WWOX: variants seen among roughly 807,000 people sequenced by gnomAD.
WWOX encodes the protein WW domain containing oxidoreductase, also known as WW domain-containing oxidoreductase.
Under a neutral mutation model 46.2 loss-of-function variants are expected in WWOX, and 69 were observed. The observed-to-expected ratio is 1.49, with a 90% CI of 1.23 to 1.82. The LOEUF is 1.82. Among genes scored for constraint, WWOX ranks in the 40% most tolerant of loss-of-function variants. The pLI, the probability that WWOX is intolerant of heterozygous loss-of-function variation, is 0.00. For missense variants in WWOX, 919 were observed against 542.6 expected (o/e 1.69, Z -6.89); for synonymous variants, 359 against 202.6 (o/e 1.77, Z -6.56).
intron 8 of WWOX, among the ~76,000 whole-genome samples, chr16:78,785,511 A>G (rs2050434308): frequency 6.6e-6 from 1 of 152,192 alleles, no homozygotes; most frequent in African/African-American, 2.4e-5. Context: ...CACACAGCTT[A>G]TTATTTATTA....
At chr16:78,272,952 T>C (rs1025355717) in intron 5 of WWOX, among the ~76,000 whole-genome samples, 14 of 152,200 alleles carry the variant, frequency 9.2e-5, no homozygotes, top group Admixed American at 7.2e-4. Flanking sequence ...TAGGGTCTCA[T>C]TTCCAAAATC....
At position 78,735,126 on chromosome 16, in the gene WWOX, C is replaced by T. The variant is rs149237031; in HGVS notation, c.1056+302374C>T. Among the ~76,000 whole-genome samples the T allele has an allele frequency of 2.8e-3, 425 of 151,780 alleles. 4 individuals are homozygous for T. Among genetic ancestry groups the T allele is most frequent in the Middle Eastern group, 0.017 (5 of 294 alleles). On this transcript the variant is annotated intron_variant, in intron 8 of 8. Transcript: ENST00000566780. ...AGATGATCCACCTGCCTTGACGTCG[C>T]AAAGTGCTGGGATTACAGGGGTGAG... is the stretch of plus-strand genomic sequence containing the variant.
At chr16:79,068,913 G>C (rs1399049682) in intron 8 of WWOX, among the ~76,000 whole-genome samples, 1 of 151,810 alleles carries the variant, frequency 6.6e-6, no homozygotes, top group East Asian at 1.9e-4. Context: ...TGGTTCCTTG[G>C]GTCTGATGCC....
intron 8 of WWOX, among the ~76,000 whole-genome samples, chr16:78,976,958 C>A (rs1265478582): frequency 6.6e-6 from 1 of 152,168 alleles, no homozygotes; most frequent in Non-Finnish European, 1.5e-5. Context: ...GATTTGACAC[C>A]TCTTTTTTTG....
At chr16:78,642,894 A>C (rs1205829872) in intron 8 of WWOX, among the ~76,000 whole-genome samples, 1 of 152,196 alleles carries the variant, frequency 6.6e-6, no homozygotes, top group Non-Finnish European at 1.5e-5. Flanking sequence ...AAATTATGGC[A>C]CTCATCCTAC....
intron 4 of WWOX, chr16:78,123,440 G>GTTTTTTTTTTTTTCT (rs2033203450): frequency 2.0e-5 from 1 of 50,500 alleles, no homozygotes; most frequent in African/African-American, 8.4e-5. Context: ...TTTTTGTTTT[G>GTTTTTTTTTTTTTCT]TTTTTTTTTT....
intron 8 of WWOX, among the ~76,000 whole-genome samples, chr16:78,532,563 G>C (rs1400939603): frequency 6.6e-6 from 1 of 152,120 alleles, no homozygotes; most frequent in East Asian, 1.9e-4. Context: ...GTATTAGTCT[G>C]TTTTCATGCT....
chr16:78,867,086 G>A (rs76413382), intron 8 of WWOX, among the ~76,000 whole-genome samples: 11 of 152,280 alleles, frequency 7.2e-5, no homozygotes, highest in South Asian at 6.2e-4. Flanking sequence ...GGAGAAGGGC[G>A]CCTTCTGTTA....
chr16:79,125,086 T>C (rs953194692), intron 8 of WWOX, among the ~76,000 whole-genome samples: 1 of 151,654 alleles, frequency 6.6e-6, no homozygotes, highest in Non-Finnish European at 1.5e-5. Context: ...TCCCAAACTA[T>C]ATGCAGATCC....
chr16:78,707,422 A>G (rs941485293), intron 8 of WWOX, among the ~76,000 whole-genome samples: 2 of 152,232 alleles, frequency 1.3e-5, no homozygotes, highest in Admixed American at 6.5e-5. Context: ...TTTTATGCAC[A>G]AGCATCAGAG....
At chr16:78,574,696 C>T (rs987349545) in intron 8 of WWOX, among the ~76,000 whole-genome samples, 15 of 151,570 alleles carry the variant, frequency 9.9e-5, no homozygotes, top group Non-Finnish European at 1.5e-4. Flanking sequence ...ATAAGCCAGA[C>T]ACAGACAGAC....
At chr16:78,631,486 A>G (rs1288397166) in intron 8 of WWOX, among the ~76,000 whole-genome samples, 1 of 151,324 alleles carries the variant, frequency 6.6e-6, no homozygotes, top group Non-Finnish European at 1.5e-5. Flanking sequence ...AATTTATATG[A>G]TTGTCCTTTA....
chr16:78,931,039 A>C (rs1326217190), intron 8 of WWOX, among the ~76,000 whole-genome samples: 1 of 152,246 alleles, frequency 6.6e-6, no homozygotes, highest in African/African-American at 2.4e-5. Flanking sequence ...TGTGAGTATC[A>C]CATGAGAAAT....
At chr16:78,541,170 C>G (rs1439688056) in intron 8 of WWOX, among the ~76,000 whole-genome samples, 1 of 152,096 alleles carries the variant, frequency 6.6e-6, no homozygotes, top group Non-Finnish European at 1.5e-5. Context: ...AAATACACTT[C>G]TGTTATAAAA....
intron 8 of WWOX, among the ~76,000 whole-genome samples, chr16:78,728,175 C>T (rs1261702783): frequency 1.3e-5 from 2 of 149,166 alleles, no homozygotes; most frequent in East Asian, 2.0e-4. Flanking sequence ...AGTGATTCTC[C>T]TGCCTCAGCC....
At position 78,204,521 on chromosome 16, in the gene WWOX, T is replaced by TA. The variant is rs1285007652; in HGVS notation, c.516+40232_516+40233insA. Among the ~76,000 whole-genome samples the TA allele has an allele frequency of 2.0e-5, 3 of 151,760 alleles. No homozygotes were observed. In the East Asian group the frequency reaches 5.8e-4, roughly 29 times the overall value. On this transcript the variant is annotated intron_variant, in intron 5 of 8. Coordinates refer to ENST00000566780, the MANE Select transcript of WWOX (RefSeq NM_016373.4). ...GGTCTTATTTATTCCTTGTATTTTT[T>TA]TGTACCCATTGACCATCCCCACCTC...
chr16:78,835,648 C>T (rs4888855), intron 8 of WWOX, among the ~76,000 whole-genome samples: 36,954 of 152,094 alleles, frequency 0.24, 4,607 homozygotes, highest in Middle Eastern at 0.34. Flanking sequence ...AACAGAGATG[C>T]GACGTGACTT....
intron 8 of WWOX, among the ~76,000 whole-genome samples, chr16:79,075,507 C>G (rs1339509702): frequency 6.6e-6 from 1 of 151,910 alleles, no homozygotes; most frequent in Non-Finnish European, 1.5e-5. Context: ...AATTTTGTCT[C>G]TGTATAATAA....
intron 8 of WWOX, among the ~76,000 whole-genome samples, chr16:79,086,081 G>A (rs17727650): frequency 0.6 from 91,323 of 151,040 alleles, 28,304 homozygotes; most frequent in East Asian, 0.79. Context: ...CCAAAAAAAA[G>A]AGCAGTATAG....
Sources: gnomAD v4.1 joint callset for allele counts (sites outside exome capture counted in the v4.1 genomes callset) on GRCh38, gnomAD v4.1.1 for gene constraint, MANE v1.5 for transcripts, NCBI Gene and HGNC (gene_info 2026-07-23, HGNC 2026-07-21) for gene names.